TMEM209: variants seen among roughly 807,000 people sequenced by gnomAD.
TMEM209 encodes the protein transmembrane protein 209, also known as testicular tissue protein Li 202.
TMEM209 carries 65 observed loss-of-function variants against 76.2 expected under a neutral mutation model. The observed-to-expected ratio is 0.85, with a 90% CI of 0.70 to 1.05. The LOEUF is 1.05. Among genes scored for constraint, TMEM209 ranks in the 50% least tolerant of loss-of-function variants. TMEM209 has a pLI of 0.00. For synonymous variants in TMEM209, 239 were observed against 237.6 expected, an observed-to-expected ratio of 1.01 and a Z score of -0.06; for missense variants, 623 against 685.5, an observed-to-expected ratio of 0.91 and a Z score of 1.02.
chr7:130,193,562 C>CG (rs1436917526), intron 5 of TMEM209, among the ~76,000 whole-genome samples: 1 of 151,464 alleles, frequency 6.6e-6, no homozygotes, highest in East Asian at 1.9e-4. Flanking sequence ...AAAAAGTGAG[C>CG]TATCAAGCTA....
At chr7:130,176,037 A>T (rs563496401) in intron 10 of TMEM209, among the ~76,000 whole-genome samples, 1 of 152,164 alleles carries the variant, frequency 6.6e-6, no homozygotes. Context: ...GTGTGTATAT[A>T]TATGTGGAAA....
intron 5 of TMEM209, among the ~76,000 whole-genome samples, chr7:130,200,856 G>A (rs967910175): frequency 2.0e-5 from 3 of 151,868 alleles, no homozygotes; most frequent in Admixed American, 6.6e-5. Flanking sequence ...TTGGGAGGTC[G>A]AGGAGGGCAG....
intron 1 of TMEM209, 46 bp downstream of exon 1, chr7:130,205,327 C>T (rs548032536): frequency 1.2e-6 from 2 of 1,613,840 alleles, no homozygotes; most frequent in East Asian, 4.5e-5. Context: ...CCACAACCCG[C>T]GTAGATTCCA....
intron 6 of TMEM209, among the ~76,000 whole-genome samples, chr7:130,185,812 T>C (rs1159459258): frequency 6.6e-6 from 1 of 152,220 alleles, no homozygotes; most frequent in Non-Finnish European, 1.5e-5. Context: ...AAGCTAAACT[T>C]ATTTGTCCCT....
At position 130,178,510 on chromosome 7, in the gene TMEM209, A is replaced by C. The variant is rs140475659; in HGVS notation, c.1138T>G (p.Leu380Val). 3.5e-3 allele frequency: 5,596 copies of C among 1,613,758 alleles called. 124 individuals are homozygous for C. The Admixed American group carries it at 0.053, about 15-fold the overall frequency. Residue 380 changes from leucine to valine, a missense_variant, in exon 10 of 15, where the codon TTG becomes GTG. Leu to Val is a conservative substitution (Grantham distance 32, BLOSUM62 1). Transcript: ENST00000397622. ...GCTTTAACCAGGGCAGCTTGTTTCAAGCTAGTAATACTAGCCTCTGTTAAC... is the reference window on the plus strand; with the variant it reads ...GCTTTAACCAGGGCAGCTTGTTTCACGCTAGTAATACTAGCCTCTGTTAAC... ...LQIGEASITS[L>V]KQAALVKAPL...
intron 4 of TMEM209, 37 bp downstream of exon 4, chr7:130,202,495 C>T (rs1348387397): frequency 1.9e-5 from 30 of 1,568,034 alleles, no homozygotes; most frequent in Non-Finnish European, 2.6e-5. Flanking sequence ...TATTGCCAAC[C>T]TTTTCCCCAC....
intron 10 of TMEM209, 118 bp from the exon 11 acceptor site, chr7:130,175,727 C>T: frequency 2.7e-6 from 2 of 727,738 alleles, no homozygotes; most frequent in Non-Finnish European, 4.4e-6. Context: ...TCAAAACACC[C>T]AAACCTAAAG....
At chr7:130,204,650 A>G (rs1427946372) in intron 1 of TMEM209, among the ~76,000 whole-genome samples, 1 of 152,152 alleles carries the variant, frequency 6.6e-6, no homozygotes, top group Non-Finnish European at 1.5e-5. Context: ...GTGGCTGGTT[A>G]TTTAAGAACA....
At position 130,192,495 on chromosome 7, in the gene TMEM209, T is replaced by C. The variant is rs1797830035; in HGVS notation, c.775+127A>G. The C allele has an allele frequency of 7.4e-6, 6 of 807,500 alleles. No homozygotes were observed. In the South Asian group the frequency reaches 9.1e-5, roughly 12 times the overall value. The allele number at this position is 807,500 out of a possible 1,614,324, so 50.0% of individuals were successfully genotyped here. On this transcript the variant is annotated intron_variant, in intron 6 of 14. Coordinates refer to ENST00000397622, the MANE Select transcript of TMEM209 (RefSeq NM_032842.4). ...TCTAACTGCATAAAATAATGTTACATATAAAGTAAAACAAAACATGCTAAG... is the reference window on the plus strand; with the variant it reads ...TCTAACTGCATAAAATAATGTTACACATAAAGTAAAACAAAACATGCTAAG...
intron 5 of TMEM209, among the ~76,000 whole-genome samples, chr7:130,200,322 T>A (rs1255510680): frequency 6.6e-6 from 1 of 152,222 alleles, no homozygotes; most frequent in Admixed American, 6.5e-5. Flanking sequence ...ATGTTTCTTA[T>A]TAGCAGAGAT....
At chr7:130,200,157 A>C (rs534971200) in intron 5 of TMEM209, among the ~76,000 whole-genome samples, 8,915 of 151,966 alleles carry the variant, frequency 0.059, 858 homozygotes, top group African/African-American at 0.2. Context: ...CTCTCTATAT[A>C]TATATATATT....
At chr7:130,192,080 T>A (rs1490503715) in intron 6 of TMEM209, among the ~76,000 whole-genome samples, 1 of 152,198 alleles carries the variant, frequency 6.6e-6, no homozygotes, top group Non-Finnish European at 1.5e-5. Context: ...ATAACCTAAT[T>A]TGGTTTCAAA....
intron 1 of TMEM209, among the ~76,000 whole-genome samples, chr7:130,204,687 G>A (rs1330320402): frequency 6.6e-6 from 1 of 152,178 alleles, no homozygotes; most frequent in Non-Finnish European, 1.5e-5. Flanking sequence ...ACATAAAAAT[G>A]TCTTATTTTG....
chr7:130,173,412 T>C (rs1345952055), intron 13 of TMEM209, among the ~76,000 whole-genome samples: 1 of 152,200 alleles, frequency 6.6e-6, no homozygotes, highest in East Asian at 1.9e-4. Context: ...CAACAATGAC[T>C]GCCTCAGGTA....
chr7:130,185,647 T>TC (rs1797573438), intron 6 of TMEM209, among the ~76,000 whole-genome samples: 1 of 152,242 alleles, frequency 6.6e-6, no homozygotes, highest in Non-Finnish European at 1.5e-5. Flanking sequence ...CGTTTCATTC[T>TC]CTAAGACTTT....
At chr7:130,199,623 C>CT (rs747740010) in intron 5 of TMEM209, among the ~76,000 whole-genome samples, 1 of 152,034 alleles carries the variant, frequency 6.6e-6, no homozygotes, top group Non-Finnish European at 1.5e-5. Flanking sequence ...TTTTTTCCCT[C>CT]TAACTTATAA....
At chr7:130,176,031 G>GTA (rs778071553) in intron 10 of TMEM209, among the ~76,000 whole-genome samples, 24 of 151,856 alleles carry the variant, frequency 1.6e-4, no homozygotes, top group South Asian at 6.2e-4. Context: ...AAGTGTGTGT[G>GTA]TATATATATG....
At position 130,173,621 on chromosome 7, in the gene TMEM209, T is replaced by C. The variant is rs1797143411; in HGVS notation, c.1557+11A>G. On this transcript the variant is annotated intron_variant, in intron 13 of 14. Transcript: ENST00000397622. ...ACATTCTGTAACAGCATCTTCTCTA[T>C]ATAGAAATACCTTTGGCAGGTTGTA... The C allele has an allele frequency of 2.5e-6, 4 of 1,595,112 alleles. No individual in the cohort carries two copies. The highest frequency in any genetic ancestry group is 3.4e-5 in the Admixed American group (2 of 59,312).
At chr7:130,168,719 C>T (rs7797101) in intron 14 of TMEM209, among the ~76,000 whole-genome samples, 28,026 of 151,912 alleles carry the variant, frequency 0.18, 2,965 homozygotes, top group Middle Eastern at 0.25. Context: ...AATCCCAGCA[C>T]GTTAGAAGGC....
Sources: gnomAD v4.1 joint callset for allele counts (sites outside exome capture counted in the v4.1 genomes callset) on GRCh38, gnomAD v4.1.1 for gene constraint, MANE v1.5 for transcripts, NCBI Gene and HGNC (gene_info 2026-07-23, HGNC 2026-07-21) for gene names.